Variants in HABP4 observed in about 807,000 individuals in gnomAD.
The protein encoded by HABP4 is hyaluronan binding protein 4, also known as intracellular hyaluronan-binding protein 4.
In HABP4, 32 loss-of-function variants were observed where a neutral mutation model predicts 44.1. That is an observed-to-expected ratio of 0.73 (90% CI 0.55 to 0.97). HABP4 has a LOEUF of 0.97. HABP4 is among the 50% of genes least tolerant of loss of function. HABP4 has a pLI of 0.00. For missense variants in HABP4, 503 were observed against 561.9 expected (o/e 0.90, Z 1.06); for synonymous variants, 216 against 218.0 (o/e 0.99, Z 0.08).
At chr9:96,489,444 C>A (rs1833040076) in intron 7 of HABP4, among the ~76,000 whole-genome samples, 1 of 151,128 alleles carries the variant, frequency 6.6e-6, no homozygotes, top group Non-Finnish European at 1.5e-5. Context: ...CACACTGTTT[C>A]CCAATCCAAG....
At position 96,450,216 on chromosome 9, in the gene HABP4, C is replaced by T. The variant is rs1425395044; in HGVS notation, c.-64C>T. The T allele has an allele frequency of 6.3e-6, 8 of 1,279,888 alleles. No individual in the cohort carries two copies. The South Asian group carries it at 6.3e-5, about 10-fold the overall frequency. 79.3% of individuals were successfully genotyped at this position (1,279,888 alleles called of 1,614,324 possible). Reference sequence around the variant, plus strand: ...CGGAGCGGGCGGCATGGGTCCTGGCCGCCGGCTTCGCTGAGACGCGCTCGC... The same window carrying T: ...CGGAGCGGGCGGCATGGGTCCTGGCTGCCGGCTTCGCTGAGACGCGCTCGC... On this transcript the variant is annotated 5_prime_UTR_variant, in exon 1 of 8. Transcript: ENST00000375249. This position sits in a 1 kb window ranked among gnomAD's most constrained non-coding sequence, Gnocchi z 4.8.
chr9:96,450,155 G>A (rs1308321388), upstream of HABP4: 3 of 1,012,350 alleles, frequency 3.0e-6, no homozygotes, highest in African/African-American at 1.7e-5. The surrounding 1 kb of genome is among the most constrained non-coding windows in gnomAD (Gnocchi z 4.8). Context: ...GCGCCGGTAG[G>A]GGCCGGACAG....
chr9:96,467,153 C>T (rs1832615819), intron 4 of HABP4, among the ~76,000 whole-genome samples: 1 of 151,978 alleles, frequency 6.6e-6, no homozygotes, highest in Non-Finnish European at 1.5e-5. Context: ...GAACTCCTGA[C>T]CTCAGGTAAT....
At chr9:96,467,934 T>C (rs1184626165) in intron 4 of HABP4, among the ~76,000 whole-genome samples, 1 of 152,250 alleles carries the variant, frequency 6.6e-6, no homozygotes, top group Non-Finnish European at 1.5e-5. Flanking sequence ...TGGTTACTTA[T>C]CCTAGAGGGC....
Position 96,490,003 on chromosome 9 carries a change from C to A in HABP4, c.1207C>A (p.Pro403Thr), listed in dbSNP as rs1833060148. Reference protein sequence around the residue: ...EVVMQDVAPNPDDPEDFPALS With the variant: ...EVVMQDVAPNTDDPEDFPALS ...TTAGATGCAAGATGTTGCCCCCAAC[C>A]CAGATGACCCGGAAGATTTCCCTGC... Residue 403 changes from proline to threonine, a missense_variant, in exon 8 of 8, where the codon CCA becomes ACA. Physicochemically the swap from Pro to Thr is conservative, Grantham distance 38. Coordinates refer to ENST00000375249, the MANE Select transcript of HABP4 (RefSeq NM_014282.4). 3.1e-6 allele frequency: 5 copies of A among 1,602,948 alleles called. No individual in the cohort carries two copies. The highest frequency in any genetic ancestry group is 4.3e-6 in the Non-Finnish European group (5 of 1,169,832).
intron 1 of HABP4, among the ~76,000 whole-genome samples, chr9:96,455,457 CAAA>C (rs34929442): frequency 3.2e-5 from 2 of 62,976 alleles, no homozygotes; most frequent in Admixed American, 2.1e-4. Context: ...GAGACTGTCT[CAAA>C]AAAAAAAAAA....
chr9:96,481,063 TC>T (rs1488746214), intron 5 of HABP4, among the ~76,000 whole-genome samples: 14 of 152,130 alleles, frequency 9.2e-5, no homozygotes, highest in Admixed American at 9.2e-4. Flanking sequence ...CAGATTTGAT[TC>T]CCCACTCCCC....
chr9:96,450,527 C>T lies in HABP4; in HGVS notation c.248C>T (p.Ala83Val). 5 of 1,230,738 alleles carry T rather than the reference C, an allele frequency of 4.1e-6. No homozygotes were observed. The highest frequency in any genetic ancestry group is 5.1e-6 in the Non-Finnish European group (5 of 986,246). 76.2% of individuals were successfully genotyped at this position (1,230,738 alleles called of 1,614,324 possible). ...RSPAGASGHRAGAGGRRESQK... is the reference protein window; with the variant it reads ...RSPAGASGHRVGAGGRRESQK... ...CCAGCCGGGGCCTCGGGCCACAGAG[C>T]CGGCGCGGGCGGCCGGAGGGAGTCG... The change falls in exon 1 of 8, where the codon GCC (alanine) becomes GTC (valine). Residue 83 changes from alanine to valine, a missense_variant. Ala to Val is a moderately conservative substitution (Grantham distance 64, BLOSUM62 0). Transcript: ENST00000375249. The surrounding 1 kb of genome is among the most constrained non-coding windows in gnomAD (Gnocchi z 4.8).
intron 2 of HABP4, among the ~76,000 whole-genome samples, chr9:96,462,769 G>A (rs1231357639): frequency 2.6e-5 from 4 of 151,604 alleles, no homozygotes. Flanking sequence ...TCTACAAAGG[G>A]TAGTTAGCCG....
intron 5 of HABP4, among the ~76,000 whole-genome samples, chr9:96,482,823 A>G (rs1832902253): frequency 6.6e-6 from 1 of 151,726 alleles, no homozygotes; most frequent in African/African-American, 2.4e-5. Context: ...ATGTGTATTA[A>G]TACTTTGTTT....
intron 2 of HABP4, among the ~76,000 whole-genome samples, chr9:96,460,912 C>T (rs1832490106): frequency 6.6e-6 from 1 of 152,256 alleles, no homozygotes; most frequent in African/African-American, 2.4e-5. Flanking sequence ...ATACTCTTAA[C>T]TAATAATAAA....
chr9:96,470,285 C>T (rs958722699), intron 4 of HABP4, among the ~76,000 whole-genome samples: 2 of 152,006 alleles, frequency 1.3e-5, no homozygotes, highest in African/African-American at 4.8e-5. Flanking sequence ...CTCCAACCAC[C>T]ATGCCCAGCT....
Position 96,458,542 on chromosome 9 carries a change from G to A in HABP4, c.512+1G>A. 1 of 1,609,054 alleles carries A rather than the reference G, an allele frequency of 6.2e-7. No homozygotes were observed. The highest frequency in any genetic ancestry group is 8.5e-7 in the Non-Finnish European group (1 of 1,175,688). On this transcript the variant is annotated splice_donor_variant, in intron 2 of 7. Coordinates refer to ENST00000375249, the MANE Select transcript of HABP4 (RefSeq NM_014282.4). LOFTEE classifies it high-confidence loss of function. ...CAGCTGAGAAGTTTCCAGATGAAAAGTATGTGCTGCAGTCCTCAGCAGGGC... is the reference window on the plus strand; with the variant it reads ...CAGCTGAGAAGTTTCCAGATGAAAAATATGTGCTGCAGTCCTCAGCAGGGC...
At chr9:96,451,622 G>A (rs1408321498) in intron 1 of HABP4, 4 of 201,822 alleles carry the variant, frequency 2.0e-5, no homozygotes, top group African/African-American at 9.4e-5. Flanking sequence ...AACGTCTCAG[G>A]TTTAAGTATT....
At chr9:96,475,488 GT>G (rs1832772381) in intron 5 of HABP4, among the ~76,000 whole-genome samples, 1 of 152,036 alleles carries the variant, frequency 6.6e-6, no homozygotes, top group African/African-American at 2.4e-5. Flanking sequence ...AATTCATTCA[GT>G]TCTTTGCCAC....
intron 6 of HABP4, among the ~76,000 whole-genome samples, chr9:96,485,410 C>T (rs1033174615): frequency 1.3e-5 from 2 of 152,178 alleles, no homozygotes; most frequent in South Asian, 4.1e-4. Flanking sequence ...ACGCCTTTCC[C>T]ATGTTGGTTC....
Position 96,488,334 on chromosome 9 carries a change from AG to A in HABP4, c.1185+62del. ...TTAATAAGGACAGTGCCCTGGGCCC[AG>A]GATGGTCTAATTTCAGAGGGTCATG... is the stretch of plus-strand genomic sequence containing the variant. On this transcript the variant is annotated intron_variant, in intron 7 of 7. Transcript: ENST00000375249. This position sits in a 1 kb window ranked among gnomAD's most constrained non-coding sequence, Gnocchi z 4.6. 8.6e-7 allele frequency: 1 copy of A among 1,167,894 alleles called. No homozygotes were observed. The highest frequency in any genetic ancestry group is 1.2e-6 in the Non-Finnish European group (1 of 824,052). 72.3% of individuals were successfully genotyped at this position (1,167,894 alleles called of 1,614,324 possible).
intron 5 of HABP4, among the ~76,000 whole-genome samples, chr9:96,473,478 C>A (rs1832729425): frequency 6.6e-6 from 1 of 152,212 alleles, no homozygotes; most frequent in Non-Finnish European, 1.5e-5. Context: ...ATCTGGACCA[C>A]CACTGGAGCC....
At position 96,450,611 on chromosome 9, in the gene HABP4, G is replaced by T; in HGVS notation, c.332G>T (p.Gly111Val). ...PVAQRPDSPGGGLQAPGQKRT... is the reference protein window; with the variant it reads ...PVAQRPDSPGVGLQAPGQKRT... ...GCTCAGCGGCCCGATAGCCCCGGGG[G>T]CGGCCTGCAGGCGCCGGGTACGCGG... is the stretch of plus-strand genomic sequence containing the variant. The change falls in exon 1 of 8, where the codon GGC (glycine) becomes GTC (valine). Residue 111 changes from glycine (G) to valine (V), a missense_variant. Gly to Val is a moderately radical substitution (Grantham distance 109). Coordinates refer to ENST00000375249, the MANE Select transcript of HABP4 (RefSeq NM_014282.4). The surrounding 1 kb of genome is among the most constrained non-coding windows in gnomAD (Gnocchi z 4.8). 7.9e-7 allele frequency: 1 copy of T among 1,269,280 alleles called. No homozygotes were observed. The highest frequency in any genetic ancestry group is 2.7e-5 in the South Asian group (1 of 36,526). 78.6% of individuals were successfully genotyped at this position (1,269,280 alleles called of 1,614,324 possible).
Sources: gnomAD v4.1 joint callset for allele counts (sites outside exome capture counted in the v4.1 genomes callset) on GRCh38, gnomAD v4.1.1 for gene constraint, Gnocchi (gnomAD v3.1) non-coding constraint, MANE v1.5 for transcripts, NCBI Gene and HGNC (gene_info 2026-07-23, HGNC 2026-07-21) for gene names.